The following GRIN2B variants were observed in gnomAD, a reference collection of about 807,000 sequenced individuals.
The protein encoded by GRIN2B is glutamate receptor ionotropic, NMDA 2B.
GRIN2B carries 5 observed loss-of-function variants against 114.5 expected under a neutral mutation model. That is an observed-to-expected ratio of 0.04 (90% CI 0.02 to 0.09). GRIN2B has a LOEUF of 0.09. Among genes scored for constraint, GRIN2B ranks in the 10% least tolerant of loss-of-function variants. The pLI, the probability that GRIN2B is intolerant of heterozygous loss-of-function variation, is 1.00. For missense variants in GRIN2B, 1,108 were observed against 1,943.5 expected, an observed-to-expected ratio of 0.57 and a Z score of 8.08; for synonymous variants, 787 against 745.1, an observed-to-expected ratio of 1.06 and a Z score of -0.92.
chr12:13,647,196 G>C (rs1202329384), intron 5 of GRIN2B, among the ~76,000 whole-genome samples: 3 of 152,066 alleles, frequency 2.0e-5, no homozygotes, highest in Non-Finnish European at 4.4e-5. Context: ...TAAGAAGTAT[G>C]TGCTGTTTAA....
intron 3 of GRIN2B, among the ~76,000 whole-genome samples, chr12:13,855,049 G>GAAAAAAAACAAAAAAAA (rs1865635711): frequency 1.1e-5 from 1 of 88,028 alleles, no homozygotes; most frequent in African/African-American, 4.8e-5. Context: ...CATCTCTACT[G>GAAAAAAAACAAAAAAAA]AAAAAAAAAA....
chr12:13,632,897 C>T (rs1253107808), intron 5 of GRIN2B, among the ~76,000 whole-genome samples: 2 of 152,180 alleles, frequency 1.3e-5, no homozygotes, highest in African/African-American at 4.8e-5. Flanking sequence ...AATCGCTAAG[C>T]AGGTGATTCT....
At chr12:13,972,318 A>G (rs1045248450) in intron 2 of GRIN2B, among the ~76,000 whole-genome samples, 1 of 152,114 alleles carries the variant, frequency 6.6e-6, no homozygotes, top group African/African-American at 2.4e-5. Context: ...GACTATTGTC[A>G]CTTTATGGAA....
At chr12:13,835,322 G>A (rs1591758939) in intron 3 of GRIN2B, among the ~76,000 whole-genome samples, 2 of 152,082 alleles carry the variant, frequency 1.3e-5, no homozygotes, top group South Asian at 4.2e-4. Context: ...AAAAAGCTGA[G>A]GCGCATGCAC....
intron 3 of GRIN2B, among the ~76,000 whole-genome samples, chr12:13,808,077 T>C (rs1404648600): frequency 6.6e-6 from 1 of 152,150 alleles, no homozygotes; most frequent in Non-Finnish European, 1.5e-5. Context: ...CTGGCAGCTC[T>C]GAATTATTAT....
chr12:13,929,963 A>G (rs910330698), intron 2 of GRIN2B, among the ~76,000 whole-genome samples: 1 of 152,120 alleles, frequency 6.6e-6, no homozygotes, highest in Non-Finnish European at 1.5e-5. Flanking sequence ...AGGCGGGCGG[A>G]TCACGAGGTC....
chr12:13,705,611 C>T (rs909340568), intron 4 of GRIN2B, among the ~76,000 whole-genome samples: 2 of 152,126 alleles, frequency 1.3e-5, no homozygotes, highest in African/African-American at 4.8e-5. Context: ...GGCTGTAACA[C>T]CAGTCATTTT....
chr12:13,972,243 T>C (rs536477573), intron 2 of GRIN2B, among the ~76,000 whole-genome samples: 1 of 152,344 alleles, frequency 6.6e-6, no homozygotes, highest in East Asian at 1.9e-4. Flanking sequence ...GTTTTTTGTA[T>C]TTGTTTTTGT....
intron 2 of GRIN2B, among the ~76,000 whole-genome samples, chr12:13,943,483 GC>G (rs1464408252): frequency 6.6e-6 from 1 of 152,114 alleles, no homozygotes; most frequent in Non-Finnish European, 1.5e-5. Context: ...TAAAATCCAA[GC>G]TTTTGCCATG....
intron 3 of GRIN2B, among the ~76,000 whole-genome samples, chr12:13,837,281 A>G (rs186485690): frequency 6.6e-6 from 1 of 152,194 alleles, no homozygotes; most frequent in Non-Finnish European, 1.5e-5. Flanking sequence ...AACCAAGAGC[A>G]GATCTTTCTC....
chr12:13,599,353 C>T (rs1805511), intron 10 of GRIN2B, among the ~76,000 whole-genome samples: 4,500 of 152,244 alleles, frequency 0.03, 240 homozygotes, highest in African/African-American at 0.1. Flanking sequence ...GCCACCATTA[C>T]AGCTGGAGGC....
At chr12:13,766,810 T>C (rs1488996175) in intron 3 of GRIN2B, among the ~76,000 whole-genome samples, 1 of 152,200 alleles carries the variant, frequency 6.6e-6, no homozygotes, top group Non-Finnish European at 1.5e-5. Context: ...CTTCTCTCAG[T>C]GTATTTGATT....
chr12:13,741,123 C>T (rs887969265), intron 4 of GRIN2B, among the ~76,000 whole-genome samples: 1 of 152,152 alleles, frequency 6.6e-6, no homozygotes, highest in South Asian at 2.1e-4. Flanking sequence ...CTCCACCTCC[C>T]GGGTTCAAGC....
chr12:13,636,531 T>C (rs138197249), intron 5 of GRIN2B, among the ~76,000 whole-genome samples: 12 of 152,090 alleles, frequency 7.9e-5, no homozygotes, highest in Non-Finnish European at 1.5e-4. Context: ...ATGATGGCAA[T>C]AGAGGGAGTG....
intron 5 of GRIN2B, among the ~76,000 whole-genome samples, chr12:13,655,045 G>A (rs889967235): frequency 7.9e-5 from 12 of 152,130 alleles, no homozygotes; most frequent in African/African-American, 2.4e-4. Flanking sequence ...CTCCCTATGA[G>A]TAAAAGAAGT....
chr12:13,564,177 T>C lies in GRIN2B; in HGVS notation c.3061A>G (p.Lys1021Glu), dbSNP rs1376925964. Residue 1021 changes from lysine to glutamate, a missense_variant, in exon 14 of 14, where the codon AAG (lysine) becomes GAG (glutamate). Physicochemically the swap from Lys to Glu is moderately conservative, Grantham distance 56. This residue lies in a region of GRIN2B where 140 missense variants were observed against 187.5 expected (regional missense o/e 0.75). Transcript: ENST00000609686. The surrounding 1 kb of genome is among the most constrained non-coding windows in gnomAD (Gnocchi z 4.8). ...FTTQSRSISK[K>E]PLDIGLPSSK... ...GAGGGGAGGCCGATGTCCAGGGGCT[T>C]CTTGCTGATGGACCTGGACTGGGTG... 6.2e-7 allele frequency: 1 copy of C among 1,613,988 alleles called. No homozygotes were observed. Among genetic ancestry groups the C allele is most frequent in the Non-Finnish European group, 8.5e-7 (1 of 1,180,032 alleles).
At chr12:13,588,888 A>G (rs1948968279) in intron 10 of GRIN2B, among the ~76,000 whole-genome samples, 1 of 152,198 alleles carries the variant, frequency 6.6e-6, no homozygotes, top group African/African-American at 2.4e-5. Flanking sequence ...GTAAAAGATT[A>G]AGACTATATT....
chr12:13,979,308 C>T (rs1863087110), intron 2 of GRIN2B, among the ~76,000 whole-genome samples: 1 of 151,966 alleles, frequency 6.6e-6, no homozygotes, highest in African/African-American at 2.4e-5. Flanking sequence ...CTGAGACCAG[C>T]CCGATCCCCA....
chr12:13,961,312 A>G (rs1867687614), intron 2 of GRIN2B, among the ~76,000 whole-genome samples: 1 of 152,042 alleles, frequency 6.6e-6, no homozygotes, highest in Admixed American at 6.5e-5. Flanking sequence ...AAGTGGAGGA[A>G]GCAAAGCCTG....
Sources: gnomAD v4.1 joint callset for allele counts (sites outside exome capture counted in the v4.1 genomes callset) on GRCh38, gnomAD v4.1.1 for gene constraint, gnomAD v4.1.1 regional missense constraint, Gnocchi (gnomAD v3.1) non-coding constraint, MANE v1.5 for transcripts, NCBI Gene and HGNC (gene_info 2026-07-23, HGNC 2026-07-21) for gene names.